Variants in DMD observed in about 807,000 individuals in gnomAD.
The protein encoded by DMD is mutant dystrophin.
In DMD, 63 loss-of-function variants were observed where a neutral mutation model predicts 330.1. The observed-to-expected ratio is 0.19, with a 90% confidence interval of 0.16 to 0.24. DMD has a LOEUF of 0.24. DMD is among the 10% of genes least tolerant of loss of function. The pLI, the probability that DMD is intolerant of heterozygous loss-of-function variation, is 1.00. For synonymous variants in DMD, 1,223 were observed against 959.8 expected, an observed-to-expected ratio of 1.27 and a Z score of -5.07; for missense variants, 3,344 against 2,684.1, an observed-to-expected ratio of 1.25 and a Z score of -5.43.
At chrX:32,819,509 T>A (rs749462078) in intron 5 of DMD, among the ~76,000 whole-genome samples, 3 of 111,782 alleles carry the variant, frequency 2.7e-5, no homozygotes, top group Non-Finnish European at 5.6e-5. Context: ...ACACATGTTA[T>A]ATGCTTTGCA....
At chrX:32,856,578 T>C (rs1383274910) in intron 2 of DMD, among the ~76,000 whole-genome samples, 1 of 112,091 alleles carries the variant, frequency 8.9e-6, no homozygotes, top group Non-Finnish European at 1.9e-5. Flanking sequence ...AAACTTTGCA[T>C]GGGCTCACTC....
intron 44 of DMD, among the ~76,000 whole-genome samples, chrX:32,049,087 A>T (rs953136907): frequency 2.7e-5 from 3 of 111,568 alleles, no homozygotes; most frequent in African/African-American, 9.8e-5. Context: ...CAGAGTTGGG[A>T]AAATGTATTA....
intron 1 of DMD, among the ~76,000 whole-genome samples, chrX:33,163,610 A>G (rs1414134399): frequency 1.5e-4 from 8 of 54,990 alleles, no homozygotes; most frequent in African/African-American, 4.4e-4. Context: ...ATATATATCT[A>G]TATCTATCTC....
chrX:31,195,727 GGGGACAGAGAGAGGGAGGGA>G (rs2042804118), intron 67 of DMD, among the ~76,000 whole-genome samples: 1 of 106,289 alleles, frequency 9.4e-6, no homozygotes, highest in Non-Finnish European at 1.9e-5. Context: ...GGAAGGAGAA[GGGGACAGAGAGAGGGAGGGA>G]GGGAGAGAGA....
chrX:32,731,432 C>T (rs1009466836), intron 7 of DMD, among the ~76,000 whole-genome samples: 2 of 112,835 alleles, frequency 1.8e-5, no homozygotes, highest in East Asian at 5.6e-4. Context: ...GGCCTGCCTG[C>T]CTCTGTAGGC....
intron 4 of DMD, among the ~76,000 whole-genome samples, chrX:32,829,425 T>C (rs1408613667): frequency 9.0e-6 from 1 of 111,534 alleles, no homozygotes; most frequent in Non-Finnish European, 1.9e-5. Flanking sequence ...AAATTGCTTT[T>C]AGTTTCCACT....
intron 60 of DMD, among the ~76,000 whole-genome samples, chrX:31,396,681 A>G (rs2060963449): frequency 1.8e-5 from 2 of 109,075 alleles, no homozygotes; most frequent in South Asian, 8.0e-4. Context: ...TCAGAGATTG[A>G]GAAAGGTCAA....
At chrX:32,052,409 C>A (rs963345596) in intron 44 of DMD, among the ~76,000 whole-genome samples, 1 of 111,336 alleles carries the variant, frequency 9.0e-6, no homozygotes, top group Admixed American at 9.6e-5. Flanking sequence ...CACCTTATCA[C>A]CCCTTAATTC....
intron 44 of DMD, among the ~76,000 whole-genome samples, chrX:32,058,112 C>T (rs778949483): frequency 4.0e-4 from 45 of 111,183 alleles, no homozygotes; most frequent in Non-Finnish European, 7.8e-4. Context: ...AAAATAAGAT[C>T]TGAAACTATG....
chrX:32,474,386 A>G lies in DMD; in HGVS notation c.2804-2077T>C, dbSNP rs921051109. Among the ~76,000 whole-genome samples, 8 of 111,641 alleles carry G rather than the reference A, an allele frequency of 7.2e-5. No homozygotes were observed. The Admixed American group carries it at 7.6e-4, about 11-fold the overall frequency. Reference sequence around the variant, plus strand: ...TTTTCCTCTGGGTAGATACCCAGTAATGGGATTGCTGGATCGAGTGGTAGT... The same window carrying G: ...TTTTCCTCTGGGTAGATACCCAGTAGTGGGATTGCTGGATCGAGTGGTAGT... On this transcript the variant is annotated intron_variant, in intron 21 of 78. Transcript: ENST00000357033.
At position 32,307,630 on chromosome X, in the gene DMD, A is replaced by C. The variant is rs73462036; in HGVS notation, c.6117+2452T>G. Among the ~76,000 whole-genome samples the C allele has an allele frequency of 6.4e-3, 713 of 111,584 alleles. 10 individuals carry two copies. The highest frequency in any genetic ancestry group is 0.022 in the African/African-American group (675 of 30,795). ...ACATGATGATAAATCCTTTCAGTTA[A>C]GTCTTTTAAGTGGATCATTTCTGCT... On this transcript the variant is annotated intron_variant, in intron 42 of 78. Transcript: ENST00000357033.
chrX:33,299,808 T>C (rs2053636473), intron 1 of DMD, among the ~76,000 whole-genome samples: 1 of 112,100 alleles, frequency 8.9e-6, no homozygotes, highest in Admixed American at 9.5e-5. Context: ...TTTAATAATA[T>C]AAAAGTCTCT....
At chrX:32,153,849 G>C (rs1009370979) in intron 44 of DMD, among the ~76,000 whole-genome samples, 7 of 112,179 alleles carry the variant, frequency 6.2e-5, no homozygotes, top group Non-Finnish European at 1.3e-4. Context: ...CCATCTTCCT[G>C]AAAGCCCTCA....
chrX:31,345,116 T>C (rs1301742857), intron 61 of DMD, among the ~76,000 whole-genome samples: 1 of 112,299 alleles, frequency 8.9e-6, no homozygotes, highest in Non-Finnish European at 1.9e-5. Context: ...GGTATTTTCT[T>C]TATACCTGCA....
chrX:32,655,322 A>T (rs2060482793), intron 9 of DMD, among the ~76,000 whole-genome samples: 1 of 112,151 alleles, frequency 8.9e-6, no homozygotes, highest in Admixed American at 9.4e-5. Flanking sequence ...TGTCCCACAG[A>T]TTCTGGTATG....
rs190356883 is a variant in DMD at position 31,777,694 on chromosome X, C to T, written c.7310-3502G>A. Among the ~76,000 whole-genome samples the T allele has an allele frequency of 2.3e-4, 26 of 111,604 alleles. 1 individual carries two copies. In the Admixed American group the frequency reaches 2.5e-3, roughly 11 times the overall value. The stretch of plus-strand genomic sequence containing the variant: ...ATGCCTGCTACAATGAACATCTTGA[C>T]CCTCAAAAGTTTTCACCTGTGTAAC... On this transcript the variant is annotated intron_variant, in intron 50 of 78. Transcript: ENST00000357033.
intron 1 of DMD, among the ~76,000 whole-genome samples, chrX:33,316,984 AT>A (rs763624106): frequency 9.0e-6 from 1 of 110,711 alleles, no homozygotes; most frequent in South Asian, 3.7e-4. Flanking sequence ...AGTAAATGCT[AT>A]TTTTTTCTTT....
chrX:31,307,501 C>T (rs889801866), intron 62 of DMD, among the ~76,000 whole-genome samples: 3 of 111,061 alleles, frequency 2.7e-5, no homozygotes, highest in Non-Finnish European at 5.7e-5. Context: ...GGCTTGAGGA[C>T]TAAGAGTATA....
chrX:31,261,574 T>C (rs1468187367), intron 62 of DMD: 7 of 119,983 alleles, frequency 5.8e-5, no homozygotes, highest in Non-Finnish European at 1.0e-4. Context: ...CTGACTAATA[T>C]ATCATAACTT....
Sources: gnomAD v4.1 joint callset for allele counts (sites outside exome capture counted in the v4.1 genomes callset) on GRCh38, gnomAD v4.1.1 for gene constraint, MANE v1.5 for transcripts, NCBI Gene and HGNC (gene_info 2026-07-23, HGNC 2026-07-21) for gene names.